Variants in LCN2 observed in about 807,000 individuals in gnomAD.
The protein encoded by LCN2 is neutrophil gelatinase-associated lipocalin.
A neutral mutation model predicts 26.4 loss-of-function variants in LCN2; 27 were observed. That is an observed-to-expected ratio of 1.02 (90% CI 0.76 to 1.41). LCN2 has a LOEUF of 1.41. Ranked by LOEUF, LCN2 falls within the 40% of genes most tolerant of loss-of-function variation. The pLI is 0.00. For synonymous variants in LCN2, 94 were observed against 98.9 expected (o/e 0.95, Z 0.30); for missense variants, 224 against 237.6 (o/e 0.94, Z 0.38).
chr9:128,151,699 A>G lies in LCN2; in HGVS notation c.337A>G (p.Thr113Ala), dbSNP rs752304526. Residue 113 changes from threonine (T) to alanine (A), a missense_variant, in exon 3 of 7, where the codon ACG (threonine) becomes GCG (alanine). Coordinates refer to ENST00000277480, the MANE Select transcript of LCN2 (RefSeq NM_005564.5). The stretch of plus-strand genomic sequence containing the variant: ...TCCAGGTTGCCAGCCCGGCGAGTTC[A>G]CGCTGGGCAACATTAAGAGTGAGTC... ...FVPGCQPGEF[T>A]LGNIKSYPGL... 7.4e-6 allele frequency: 12 copies of G among 1,613,906 alleles called. No homozygotes were observed. Among genetic ancestry groups the G allele is most frequent in the Non-Finnish European group, 1.0e-5 (12 of 1,179,896 alleles).
intron 3 of LCN2, 72 bp downstream of exon 3, chr9:128,151,789 C>A (rs1275457446): frequency 2.8e-5 from 44 of 1,589,346 alleles, no homozygotes; most frequent in Non-Finnish European, 3.5e-5. Context: ...ACCTTCCTGC[C>A]CCTCCACACA....
At chr9:128,150,613 G>A in intron 2 of LCN2, 1 of 660,804 alleles carries the variant, frequency 1.5e-6, no homozygotes, top group Non-Finnish European at 2.8e-6. Context: ...AGGGGTGCCT[G>A]GGAGCGGGAG....
At chr9:128,152,528 C>T (rs1829145393) in intron 5 of LCN2, among the ~76,000 whole-genome samples, 1 of 152,166 alleles carries the variant, frequency 6.6e-6, no homozygotes, top group Admixed American at 6.5e-5. Context: ...CCCGGGTCTG[C>T]CCAGACAAGG....
At chr9:128,151,827 T>A (rs910496781) in intron 3 of LCN2, 79 bp from the exon 4 acceptor site, 16 of 1,599,406 alleles carry the variant, frequency 1.0e-5, no homozygotes, top group Non-Finnish European at 1.3e-5. Flanking sequence ...GAAGCCCACG[T>A]TGATGGGCTG....
At chr9:128,151,885 C>T in intron 3 of LCN2, 21 bp from the exon 4 acceptor site, 1 of 1,613,802 alleles carries the variant, frequency 6.2e-7, no homozygotes, top group African/African-American at 1.3e-5. Context: ...AGGGCTGACC[C>T]CTCACCGTCC....
In LCN2 at chr9:128,151,656, C is replaced by T. The variant is rs577310272; in HGVS notation, c.294C>T (p.Tyr98=). 1 of 1,614,088 alleles carries T rather than the reference C, an allele frequency of 6.2e-7. No individual in the cohort carries two copies. Among genetic ancestry groups the T allele is most frequent in the Non-Finnish European group, 8.5e-7 (1 of 1,179,916 alleles). ...TCCCAAGGAAAAAGAAGTGTGACTA[C>T]TGGATCAGGACTTTTGTTCCAGGTT... is the stretch of plus-strand genomic sequence containing the variant. ...SVLFRKKKCD[Y]WIRTFVPGCQ... Residue 98 remains tyrosine (Y), a synonymous_variant, in exon 3 of 7, where the codon TAC becomes TAT. Coordinates refer to ENST00000277480, the MANE Select transcript of LCN2 (RefSeq NM_005564.5).
In LCN2 at chr9:128,153,398, G is replaced by T; in HGVS notation, c.*95G>T. On this transcript the variant is annotated 3_prime_UTR_variant, in exon 7 of 7. Coordinates refer to ENST00000277480, the MANE Select transcript of LCN2 (RefSeq NM_005564.5). The surrounding 1 kb of genome is among the most constrained non-coding windows in gnomAD (Gnocchi z 5.4). ...GTGCCACCCATGCAGCTGCTCCCCAGGCCACCCCGCTGATGGAGCCCCACC... is the reference window on the plus strand; with the variant it reads ...GTGCCACCCATGCAGCTGCTCCCCATGCCACCCCGCTGATGGAGCCCCACC... 1.8e-6 allele frequency: 1 copy of T among 562,512 alleles called. No individual in the cohort carries two copies. Among genetic ancestry groups the T allele is most frequent in the Non-Finnish European group, 3.2e-6 (1 of 311,634 alleles). 34.8% of individuals were successfully genotyped at this position (562,512 alleles called of 1,614,324 possible).
rs767267944 is a variant in LCN2, at chr9:128,152,011, A to C, written c.461A>C (p.Lys154Thr). ...GTTTCTCAAAACAGGGAGTACTTCA[A>C]GATCACCCTCTACGGTGGGTCCTCT... Reference protein sequence around the residue: ...KKVSQNREYFKITLYGRTKEL... With the variant: ...KKVSQNREYFTITLYGRTKEL... The change falls in exon 4 of 7, where the codon AAG becomes ACG. Residue 154 changes from lysine (K) to threonine (T), a missense_variant. By Grantham distance (78) the Lys-to-Thr change is moderately conservative. Coordinates refer to ENST00000277480, the MANE Select transcript of LCN2 (RefSeq NM_005564.5). The C allele has an allele frequency of 2.5e-6, 4 of 1,614,148 alleles. No homozygotes were observed. Among genetic ancestry groups the C allele is most frequent in the Non-Finnish European group, 2.5e-6 (3 of 1,180,002 alleles).
chr9:128,151,021 G>A (rs1437626895), intron 2 of LCN2, among the ~76,000 whole-genome samples: 1 of 152,212 alleles, frequency 6.6e-6, no homozygotes, highest in African/African-American at 2.4e-5. Context: ...AGGGTGAAGA[G>A]GCAGGGAGCC....
chr9:128,152,135 A>G (rs770315660), intron 4 of LCN2, 48 bp from the exon 5 acceptor site: 2 of 1,610,514 alleles, frequency 1.2e-6, no homozygotes, highest in East Asian at 2.2e-5. Flanking sequence ...TCATTCAACG[A>G]TATTTATGTG....
At chr9:128,150,588 C>G (rs2130877098) in intron 2 of LCN2, 2 of 712,226 alleles carry the variant, frequency 2.8e-6, no homozygotes, top group East Asian at 2.8e-5. Context: ...CGTTAGAAAA[C>G]AAGACGGAGA....
intron 2 of LCN2, 31 bp downstream of exon 2, chr9:128,150,405 A>G (rs1242272249): frequency 6.2e-7 from 1 of 1,614,116 alleles, no homozygotes; most frequent in South Asian, 1.1e-5. Flanking sequence ...GGGGTGTGAG[A>G]GTCAGACTGA....
Position 128,152,274 on chromosome 9 carries a change from T to C in LCN2, c.567T>C (p.Pro189=), listed in dbSNP as rs1453587141. The C allele has an allele frequency of 3.1e-6, 5 of 1,613,762 alleles. 1 individual carries two copies. The highest frequency in any genetic ancestry group is 1.3e-5 in the African/African-American group (1 of 74,942). ...TCCCTGAAAACCACATCGTCTTCCC[T>C]GTCCCAATCGGTAATGGCCAGTCTG... The part of the protein sequence containing the change: ...LGLPENHIVF[P]VPIDQCIDG The change falls in exon 5 of 7, where the codon CCT becomes CCC. Residue 189 remains proline (P), a synonymous_variant. Coordinates refer to ENST00000277480, the MANE Select transcript of LCN2 (RefSeq NM_005564.5).
At chr9:128,149,728 A>G in intron 1 of LCN2, 65 bp downstream of exon 1, 1 of 1,591,890 alleles carries the variant, frequency 6.3e-7, no homozygotes, top group Non-Finnish European at 8.6e-7. Flanking sequence ...AGGGGAGGAG[A>G]GGTGAAGAGA....
chr9:128,152,399 A>T, intron 5 of LCN2, 115 bp downstream of exon 5: 7 of 902,998 alleles, frequency 7.8e-6, no homozygotes, highest in Non-Finnish European at 1.0e-5. Flanking sequence ...TCACTGGAGC[A>T]GTGGATGGTC....
intron 5 of LCN2, among the ~76,000 whole-genome samples, chr9:128,152,634 C>T (rs566938569): frequency 1.3e-5 from 2 of 152,188 alleles, no homozygotes; most frequent in African/African-American, 2.4e-5. Context: ...CCATCTCCCC[C>T]GACCCTCCCA....
rs1437020984 is a variant in LCN2 at position 128,150,257 on chromosome 9, T to C, written c.158T>C (p.Val53Ala). 1.2e-6 allele frequency: 2 copies of C among 1,613,968 alleles called. No individual in the cohort carries two copies. The highest frequency in any genetic ancestry group is 2.2e-5 in the South Asian group (2 of 91,070). The change falls in exon 2 of 7, where the codon GTG becomes GCG. Residue 53 changes from valine to alanine, a missense_variant. Physicochemically the swap from Val to Ala is moderately conservative, Grantham distance 64 (BLOSUM62 0). Coordinates refer to ENST00000277480, the MANE Select transcript of LCN2 (RefSeq NM_005564.5). ...TTGCAGTTCCAGGGGAAGTGGTATG[T>C]GGTAGGCCTGGCAGGGAATGCAATT... is the stretch of plus-strand genomic sequence containing the variant. ...QDNQFQGKWY[V>A]VGLAGNAILR...
rs1266182586 is a variant in LCN2, at chr9:128,151,974, T to C, written c.424T>C (p.Phe142Leu). 3 of 1,613,994 alleles carry C rather than the reference T, an allele frequency of 1.9e-6. No individual in the cohort carries two copies. The highest frequency in any genetic ancestry group is 2.5e-6 in the Non-Finnish European group (3 of 1,179,988). ...STNYNQHAMV[F>L]FKKVSQNREY... ...CAACTACAACCAGCATGCTATGGTG[T>C]TCTTCAAGAAAGTTTCTCAAAACAG... The change falls in exon 4 of 7, where the codon TTC becomes CTC. Residue 142 changes from phenylalanine (F) to leucine (L), a missense_variant. Coordinates refer to ENST00000277480, the MANE Select transcript of LCN2 (RefSeq NM_005564.5).
chr9:128,150,154 G>A lies in LCN2; in HGVS notation c.139-84G>A, dbSNP rs942515000. 146 of 1,529,666 alleles carry A rather than the reference G, an allele frequency of 9.5e-5. No individual in the cohort carries two copies. In the Middle Eastern group the frequency reaches 1.0e-3, roughly 11 times the overall value. The allele number at this position is 1,529,666 out of a possible 1,614,324, so 94.8% of individuals were successfully genotyped here. A position where few individuals can be genotyped will look rare whatever the true frequency, so the allele number is the denominator to read the frequency against. Reference sequence around the variant, plus strand: ...AGGGGCTCATGGTTCCAAGCTGGGCGGCCCAGAGGTGCCACAGGGACAGAG... The same window carrying A: ...AGGGGCTCATGGTTCCAAGCTGGGCAGCCCAGAGGTGCCACAGGGACAGAG... On this transcript the variant is annotated intron_variant, in intron 1 of 6. Coordinates refer to ENST00000277480, the MANE Select transcript of LCN2 (RefSeq NM_005564.5).
Sources: allele counts gnomAD v4.1 joint callset (sites outside exome capture counted in the v4.1 genomes callset), GRCh38; gene constraint gnomAD v4.1.1; non-coding constraint Gnocchi (gnomAD v3.1); transcripts MANE v1.5; gene names NCBI Gene and HGNC (gene_info 2026-07-23, HGNC 2026-07-21).